Variants in TMCC1 observed in about 807,000 individuals in gnomAD.
The protein encoded by TMCC1 is transmembrane and coiled-coil domain family 1, also known as transmembrane and coiled-coil domains protein 1.
A neutral mutation model predicts 52.4 loss-of-function variants in TMCC1; 15 were observed. The ratio of observed to expected loss-of-function variants is 0.29; its 90% CI spans 0.19 to 0.44. The LOEUF is 0.44. TMCC1 is among the 20% of genes least tolerant of loss of function. The pLI is 1.00. For synonymous variants in TMCC1, 279 were observed against 301.9 expected (o/e 0.92, Z 0.79); for missense variants, 503 against 806.0 (o/e 0.62, Z 4.55).
intron 4 of TMCC1, among the ~76,000 whole-genome samples, chr3:129,813,695 T>C (rs1412146031): frequency 6.6e-6 from 1 of 152,038 alleles, no homozygotes; most frequent in African/African-American, 2.4e-5. Flanking sequence ...TATTGGGTAC[T>C]ATGCTTATTA....
chr3:129,892,973 C>A (rs921214822), intron 1 of TMCC1, among the ~76,000 whole-genome samples: 2 of 152,198 alleles, frequency 1.3e-5, no homozygotes, highest in African/African-American at 4.8e-5. Flanking sequence ...CTCCCCAGTA[C>A]GCCGGGCTCC....
At chr3:129,688,677 A>G in intron 4 of TMCC1, 5 of 985,454 alleles carry the variant, frequency 5.1e-6, no homozygotes, top group Non-Finnish European at 6.0e-6. Context: ...GCTTCTGCCA[A>G]ACAAGCATCC....
At chr3:129,761,327 CAAAAAAAAA>C (rs59160769) in intron 4 of TMCC1, among the ~76,000 whole-genome samples, 2 of 61,234 alleles carry the variant, frequency 3.3e-5, no homozygotes, top group East Asian at 1.1e-3. Flanking sequence ...GACTCCGTCT[CAAAAAAAAA>C]AAAAAAAAAA....
At chr3:129,823,688 C>T (rs1276208082) in intron 4 of TMCC1, among the ~76,000 whole-genome samples, 2 of 152,174 alleles carry the variant, frequency 1.3e-5, no homozygotes, top group Non-Finnish European at 2.9e-5. Context: ...ACACAAAACA[C>T]AATCTTGGCC....
chr3:129,741,811 C>T (rs2051480230), intron 4 of TMCC1, among the ~76,000 whole-genome samples: 1 of 152,084 alleles, frequency 6.6e-6, no homozygotes, highest in African/African-American at 2.4e-5. Context: ...TCTTAACAGA[C>T]TTCTACCACT....
At chr3:129,864,702 C>T (rs1407062393) in intron 2 of TMCC1, among the ~76,000 whole-genome samples, 2 of 152,130 alleles carry the variant, frequency 1.3e-5, no homozygotes, top group African/African-American at 4.8e-5. Flanking sequence ...GAGATCACAC[C>T]CTGCATTCTA....
intron 4 of TMCC1, among the ~76,000 whole-genome samples, chr3:129,735,638 A>G (rs1409778297): frequency 8.7e-6 from 1 of 114,658 alleles, no homozygotes; most frequent in African/African-American, 3.4e-5. Flanking sequence ...GACAGAGCCA[A>G]GACTCTCTTA....
intron 2 of TMCC1, among the ~76,000 whole-genome samples, chr3:129,867,523 T>G (rs971535041): frequency 1.2e-4 from 18 of 152,204 alleles, no homozygotes; most frequent in African/African-American, 4.3e-4. Context: ...ACAATACCAT[T>G]AGTATTCAAT....
At chr3:129,855,557 T>C (rs1370079118) in intron 2 of TMCC1, among the ~76,000 whole-genome samples, 1 of 152,032 alleles carries the variant, frequency 6.6e-6, no homozygotes, top group Non-Finnish European at 1.5e-5. Context: ...TGAAAAACTC[T>C]CTTTGACCAC....
At chr3:129,705,689 G>T (rs147633535) in intron 4 of TMCC1, among the ~76,000 whole-genome samples, 3 of 144,506 alleles carry the variant, frequency 2.1e-5, no homozygotes, top group African/African-American at 7.8e-5. Flanking sequence ...TGCAAGCTCC[G>T]CCTCCTGGGT....
chr3:129,687,195 TG>T (rs1368416498), intron 4 of TMCC1, among the ~76,000 whole-genome samples: 1 of 152,130 alleles, frequency 6.6e-6, no homozygotes, highest in East Asian at 1.9e-4. Flanking sequence ...ATCTCTTCTG[TG>T]GCCACTCTAA....
intron 2 of TMCC1, among the ~76,000 whole-genome samples, chr3:129,871,415 C>G (rs80237275): frequency 2.6e-5 from 4 of 151,492 alleles, no homozygotes; most frequent in East Asian, 3.9e-4. Flanking sequence ...TCTATTACAC[C>G]CACCTTGACA....
chr3:129,763,207 AAAATAAATAAAT>A (rs201181579), intron 4 of TMCC1, among the ~76,000 whole-genome samples: 9,933 of 131,292 alleles, frequency 0.076, 720 homozygotes, highest in South Asian at 0.09. Flanking sequence ...CAAAAAATAA[AAAATAAATAAAT>A]AAATAAATAA....
intron 4 of TMCC1, among the ~76,000 whole-genome samples, chr3:129,713,005 T>A (rs1420661210): frequency 2.6e-5 from 4 of 152,138 alleles, no homozygotes. Context: ...CTCACACCAG[T>A]AATCCCAGCA....
intron 4 of TMCC1, among the ~76,000 whole-genome samples, chr3:129,735,954 A>C (rs2107624353): frequency 6.6e-6 from 1 of 152,320 alleles, no homozygotes; most frequent in East Asian, 1.9e-4. Flanking sequence ...AACATCAGAG[A>C]AAGAAAAGTC....
intron 1 of TMCC1, among the ~76,000 whole-genome samples, chr3:129,883,587 C>G (rs1195174902): frequency 6.6e-6 from 1 of 152,224 alleles, no homozygotes; most frequent in Non-Finnish European, 1.5e-5. Flanking sequence ...GCACTCCACC[C>G]TGGGTGACAG....
chr3:129,819,071 A>G (rs962124980), intron 4 of TMCC1: 1 of 152,532 alleles, frequency 6.6e-6, no homozygotes, highest in Non-Finnish European at 1.5e-5. Flanking sequence ...AAAGGTTCTC[A>G]TTCTTTTTCT....
At chr3:129,875,391 T>C (rs930478689) in intron 2 of TMCC1, among the ~76,000 whole-genome samples, 2 of 146,728 alleles carry the variant, frequency 1.4e-5, no homozygotes, top group African/African-American at 2.5e-5. Flanking sequence ...ACTTGGCAGC[T>C]GAGGCAGGAG....
chr3:129,814,657 C>A (rs1472341478), intron 4 of TMCC1, among the ~76,000 whole-genome samples: 1 of 152,016 alleles, frequency 6.6e-6, no homozygotes, highest in Non-Finnish European at 1.5e-5. Context: ...TACAAGGAAC[C>A]CACTTCTCCT....
Sources: allele counts gnomAD v4.1 joint callset (sites outside exome capture counted in the v4.1 genomes callset), GRCh38; gene constraint gnomAD v4.1.1; transcripts MANE v1.5; gene names NCBI Gene and HGNC (gene_info 2026-07-23, HGNC 2026-07-21).